The following AGBL4 variants were observed in gnomAD, a reference collection of about 807,000 sequenced individuals.
AGBL4 encodes the protein cytosolic carboxypeptidase 6.
A neutral mutation model predicts 66.4 loss-of-function variants in AGBL4; 58 were observed. The ratio of observed to expected loss-of-function variants is 0.87; its 90% CI spans 0.71 to 1.09. AGBL4 has a LOEUF of 1.09. AGBL4 is among the 50% of genes least tolerant of loss of function. The pLI is 0.00. For missense variants in AGBL4, 579 were observed against 631.0 expected (o/e 0.92, Z 0.88); for synonymous variants, 234 against 222.9 (o/e 1.05, Z -0.44).
intron 2 of AGBL4, among the ~76,000 whole-genome samples, chr1:49,840,866 G>A (rs1645973289): frequency 6.6e-6 from 1 of 152,112 alleles, no homozygotes; most frequent in Non-Finnish European, 1.5e-5. Flanking sequence ...CATAATAAGA[G>A]CCGTCTCTGG....
chr1:48,618,057 T>A (rs1437045483), intron 9 of AGBL4, among the ~76,000 whole-genome samples: 1 of 152,122 alleles, frequency 6.6e-6, no homozygotes, highest in Non-Finnish European at 1.5e-5. Flanking sequence ...CTTTAGGTCT[T>A]AGTTTCCCCA....
intron 6 of AGBL4, chr1:48,776,524 C>T (rs1645093983): frequency 2.0e-6 from 2 of 998,442 alleles, no homozygotes; most frequent in South Asian, 2.0e-5. Context: ...TCCCCCCGGT[C>T]CCCTCCGCCC....
At chr1:48,991,729 C>G (rs1024565502) in intron 5 of AGBL4, among the ~76,000 whole-genome samples, 5 of 151,966 alleles carry the variant, frequency 3.3e-5, no homozygotes, top group African/African-American at 1.2e-4. Flanking sequence ...TCTTCAAGCT[C>G]ACTAATTCTT....
At chr1:48,818,308 T>C (rs1570744634) in intron 6 of AGBL4, 1 of 715,614 alleles carries the variant, frequency 1.4e-6, no homozygotes, top group East Asian at 2.7e-5. Context: ...AAAATATTTA[T>C]GGCCATATTT....
At chr1:49,281,681 C>T (rs527436321) in intron 3 of AGBL4, among the ~76,000 whole-genome samples, 1 of 152,280 alleles carries the variant, frequency 6.6e-6, no homozygotes, top group Non-Finnish European at 1.5e-5. Context: ...TACTAAAACC[C>T]TTGGAATCTT....
intron 1 of AGBL4, chr1:49,865,926 G>C (rs1161259103): frequency 2.4e-6 from 1 of 409,170 alleles, no homozygotes; most frequent in East Asian, 7.3e-5. Flanking sequence ...TGACCTGAAG[G>C]AGCTGAAAAA....
In AGBL4 at chr1:49,956,914, T is replaced by C. The variant is rs141892398; in HGVS notation, c.34+66849A>G. 4.1e-4 allele frequency among the ~76,000 whole-genome samples: 62 copies of C among 152,116 alleles called. 1 individual carries two copies. The highest frequency in any genetic ancestry group is 2.4e-3 in the Admixed American group (36 of 15,244). ...TATAGGAGAAACAGTAGATTAACCCTAGATTGTGGAGAGCTTTGGATGCCT... is the reference window on the plus strand; with the variant it reads ...TATAGGAGAAACAGTAGATTAACCCCAGATTGTGGAGAGCTTTGGATGCCT... On this transcript the variant is annotated intron_variant, in intron 1 of 13. Coordinates refer to ENST00000371839, the MANE Select transcript of AGBL4 (RefSeq NM_032785.4).
intron 3 of AGBL4, among the ~76,000 whole-genome samples, chr1:49,249,810 G>A (rs951993738): frequency 1.3e-5 from 2 of 152,248 alleles, no homozygotes; most frequent in South Asian, 4.1e-4. Context: ...TCAGGATATG[G>A]AATCAACCTA....
intron 2 of AGBL4, among the ~76,000 whole-genome samples, chr1:49,781,196 C>T (rs956692815): frequency 1.3e-5 from 2 of 152,062 alleles, no homozygotes; most frequent in African/African-American, 4.8e-5. Context: ...TTGAGACCAG[C>T]CTGGGCAACT....
At chr1:49,091,044 T>G (rs540382615) in intron 4 of AGBL4, among the ~76,000 whole-genome samples, 1 of 151,978 alleles carries the variant, frequency 6.6e-6, no homozygotes, top group African/African-American at 2.4e-5. Flanking sequence ...ATGCAGAAGA[T>G]TGAAGCTGGA....
At chr1:49,776,568 C>A (rs904658441) in intron 2 of AGBL4, among the ~76,000 whole-genome samples, 1 of 152,072 alleles carries the variant, frequency 6.6e-6, no homozygotes, top group South Asian at 2.1e-4. Context: ...CAGGTTCTCT[C>A]CATTTCAGAG....
chr1:49,245,456 G>A lies in AGBL4; in HGVS notation c.377+314C>T, dbSNP rs180833588. 3.6e-4 allele frequency among the ~76,000 whole-genome samples: 55 copies of A among 151,352 alleles called. 1 individual carries two copies. The highest frequency in any genetic ancestry group is 3.4e-3 in the Admixed American group (51 of 15,160). Reference sequence around the variant, plus strand: ...ACCATAATAAAAGCCAAACAGGACAGGAAGCTTACCAAATAACAGACTGCC... The same window carrying A: ...ACCATAATAAAAGCCAAACAGGACAAGAAGCTTACCAAATAACAGACTGCC... On this transcript the variant is annotated intron_variant, in intron 4 of 13. Coordinates refer to ENST00000371839, the MANE Select transcript of AGBL4 (RefSeq NM_032785.4).
chr1:49,598,201 T>G (rs993322988), intron 3 of AGBL4, among the ~76,000 whole-genome samples: 1 of 152,220 alleles, frequency 6.6e-6, no homozygotes, highest in Non-Finnish European at 1.5e-5. Context: ...ATCTGAAGCC[T>G]TCTTCTCTCA....
At chr1:49,558,934 G>C (rs114743998) in intron 3 of AGBL4, among the ~76,000 whole-genome samples, 1,695 of 152,186 alleles carry the variant, frequency 0.011, 28 homozygotes, top group African/African-American at 0.039. Context: ...TAGAAAACCA[G>C]GTAGACTTTT....
intron 4 of AGBL4, 146 bp downstream of exon 4, chr1:49,245,623 CA>C: frequency 1.8e-6 from 1 of 555,590 alleles, no homozygotes; most frequent in Non-Finnish European, 3.2e-6. Context: ...AGCTGTACAG[CA>C]GATAAACTAG....
chr1:48,861,093 G>A (rs1349440106), intron 6 of AGBL4, among the ~76,000 whole-genome samples: 1 of 151,742 alleles, frequency 6.6e-6, no homozygotes, highest in Admixed American at 6.6e-5. Context: ...TAGAAATCTT[G>A]GAAATGAAAA....
chr1:49,342,781 C>T (rs900935563), intron 3 of AGBL4, among the ~76,000 whole-genome samples: 1 of 152,150 alleles, frequency 6.6e-6, no homozygotes, highest in Non-Finnish European at 1.5e-5. Flanking sequence ...TCATGAACAA[C>T]TTCTGATTTC....
intron 2 of AGBL4, among the ~76,000 whole-genome samples, chr1:49,782,600 C>T (rs562579786): frequency 1.3e-5 from 2 of 152,176 alleles, no homozygotes; most frequent in South Asian, 4.2e-4. Context: ...AATGTGTTCC[C>T]CCAAAAAGCA....
rs150853489 is a variant in AGBL4, at chr1:49,305,205, C to T, written c.283-59341G>A. Among the ~76,000 whole-genome samples the T allele has an allele frequency of 7.7e-3, 1,176 of 152,288 alleles. 45 individuals carry two copies. Among genetic ancestry groups the T allele is most frequent in the Admixed American group, 0.059 (896 of 15,290 alleles). On this transcript the variant is annotated intron_variant, in intron 3 of 13. Transcript: ENST00000371839. ...TTGATTTCTGGTATTACACTGGCAT[C>T]TGTTTTAGGCTTCTCTTTAATTCAG... is the stretch of plus-strand genomic sequence containing the variant.
Sources: gnomAD v4.1 joint callset for allele counts (sites outside exome capture counted in the v4.1 genomes callset) on GRCh38, gnomAD v4.1.1 for gene constraint, MANE v1.5 for transcripts, NCBI Gene and HGNC (gene_info 2026-07-23, HGNC 2026-07-21) for gene names.